Variants in GALNT17 observed in about 807,000 individuals in gnomAD.
GALNT17 encodes the protein polypeptide N-acetylgalactosaminyltransferase 17, also known as UDP-GalNAc:polypeptide N-acetylgalactosaminyltransferase-like 3.
Under a neutral mutation model 63.7 loss-of-function variants are expected in GALNT17, and 29 were observed. The observed-to-expected ratio is 0.46, with a 90% CI of 0.34 to 0.62. The LOEUF (loss-of-function observed/expected upper bound fraction) is 0.62, where lower values mean the gene tolerates loss of function less well. Ranked by LOEUF, GALNT17 falls within the 20% of genes least tolerant of loss-of-function variation. The probability of loss-of-function intolerance (pLI) is 0.01; values close to 1 mark genes in which losing one functional copy is unlikely to be tolerated. For synonymous variants in GALNT17, 305 were observed against 318.3 expected (o/e 0.96, Z 0.45); for missense variants, 603 against 799.6 (o/e 0.75, Z 2.97).
chr7:71,158,876 T>G (rs1788287190), intron 1 of GALNT17, among the ~76,000 whole-genome samples: 1 of 151,810 alleles, frequency 6.6e-6, no homozygotes, highest in African/African-American at 2.4e-5. Context: ...CGCCCGGCAA[T>G]TTTTGTATTT....
intron 5 of GALNT17, among the ~76,000 whole-genome samples, chr7:71,485,823 T>G (rs550412995): frequency 2.3e-4 from 35 of 152,318 alleles, no homozygotes; most frequent in Non-Finnish European, 4.4e-4. Context: ...AAAGGCTGGA[T>G]GAATATTTTC....
chr7:71,312,847 A>C (rs1791434237), intron 1 of GALNT17, among the ~76,000 whole-genome samples: 1 of 152,192 alleles, frequency 6.6e-6, no homozygotes, highest in Non-Finnish European at 1.5e-5. Context: ...TGCTATTAAG[A>C]AGACTCAGGG....
rs760731448 is a variant in GALNT17 at position 71,132,637 on chromosome 7, C to G, written c.-166C>G. ...CCGTTCTCCCCACCACCAATCCGAC[C>G]TCCCAGCCGTCTCCGCCGCCCGAGC... On this transcript the variant is annotated 5_prime_UTR_variant, in exon 1 of 11. Transcript: ENST00000333538. 2 of 600,120 alleles carry G rather than the reference C, an allele frequency of 3.3e-6. No homozygotes were observed. The highest frequency in any genetic ancestry group is 5.8e-6 in the Non-Finnish European group (2 of 347,652). The allele number at this position is 600,120 out of a possible 1,614,324, so 37.2% of individuals were successfully genotyped here. A position where few individuals can be genotyped will look rare whatever the true frequency, so the allele number is the denominator to read the frequency against.
intron 5 of GALNT17, among the ~76,000 whole-genome samples, chr7:71,537,148 C>T (rs532057982): frequency 4.6e-5 from 7 of 152,332 alleles, no homozygotes; most frequent in South Asian, 2.1e-4. Context: ...ATTGATCTCT[C>T]GGCTTCAGGA....
At position 71,335,509 on chromosome 7, in the gene GALNT17, G is replaced by A. The variant is rs200905240; in HGVS notation, c.239-41G>A. The A allele has an allele frequency of 2.7e-5, 41 of 1,502,956 alleles. No individual in the cohort carries two copies. The African/African-American group carries it at 4.8e-4, about 18-fold the overall frequency. The allele number at this position is 1,502,956 out of a possible 1,614,324, so 93.1% of individuals were successfully genotyped here. A position where few individuals can be genotyped will look rare whatever the true frequency, so the allele number is the denominator to read the frequency against. On this transcript the variant is annotated intron_variant, in intron 1 of 10. Transcript: ENST00000333538. The stretch of plus-strand genomic sequence containing the variant: ...GAGATTGAGTAATACATCCTGGTAT[G>A]GTGGTTTTCTAATAATTCTTTTTTC...
chr7:71,377,328 C>T (rs975352276), intron 2 of GALNT17, among the ~76,000 whole-genome samples: 5 of 35,288 alleles, frequency 1.4e-4, no homozygotes, highest in East Asian at 4.6e-4. Context: ...CCCAGGTAGC[C>T]GTGGAGCCAG....
In GALNT17 at chr7:71,251,166, C is replaced by A. The variant is rs572925740; in HGVS notation, c.239-84384C>A. Reference sequence around the variant, plus strand: ...ATATCTCCTAATGCTATCCCTCCCCCCTCCCCCTTTTGCTATTGGGTGGAG... The same window carrying A: ...ATATCTCCTAATGCTATCCCTCCCCACTCCCCCTTTTGCTATTGGGTGGAG... On this transcript the variant is annotated intron_variant, in intron 1 of 10. Transcript: ENST00000333538. 2.0e-4 allele frequency among the ~76,000 whole-genome samples: 30 copies of A among 150,100 alleles called. 1 individual carries two copies. The South Asian group carries it at 6.5e-3, about 33-fold the overall frequency.
chr7:71,294,178 C>A (rs576921132), intron 1 of GALNT17, among the ~76,000 whole-genome samples: 62 of 143,810 alleles, frequency 4.3e-4, no homozygotes, highest in African/African-American at 1.5e-3. Context: ...AAAAAAAATT[C>A]TTTGTCTTTG....
At chr7:71,310,048 T>C (rs969539301) in intron 1 of GALNT17, among the ~76,000 whole-genome samples, 1 of 152,220 alleles carries the variant, frequency 6.6e-6, no homozygotes, top group African/African-American at 2.4e-5. Flanking sequence ...AAGCTCTCTC[T>C]TTGCCTGCCG....
intron 5 of GALNT17, among the ~76,000 whole-genome samples, chr7:71,552,090 G>T (rs1283667854): frequency 2.0e-5 from 3 of 151,606 alleles, no homozygotes; most frequent in Non-Finnish European, 2.9e-5. Flanking sequence ...TGTCACCCAG[G>T]CTGGAGTACA....
intron 9 of GALNT17, among the ~76,000 whole-genome samples, chr7:71,694,751 G>T (rs916613680): frequency 6.6e-6 from 1 of 152,170 alleles, no homozygotes; most frequent in East Asian, 1.9e-4. Context: ...AAAGTAATTG[G>T]CCCAGGGCCA....
intron 5 of GALNT17, among the ~76,000 whole-genome samples, chr7:71,469,445 C>A (rs948400105): frequency 6.6e-6 from 1 of 152,160 alleles, no homozygotes; most frequent in South Asian, 2.1e-4. Context: ...ACCGGGCAAC[C>A]CCTGAACCAG....
At chr7:71,703,896 A>G (rs555644426) in intron 9 of GALNT17, among the ~76,000 whole-genome samples, 1 of 146,514 alleles carries the variant, frequency 6.8e-6, no homozygotes, top group Non-Finnish European at 1.5e-5. Flanking sequence ...CAAAATGGAA[A>G]GTAATATTCT....
At chr7:71,316,515 G>A (rs1791504505) in intron 1 of GALNT17, among the ~76,000 whole-genome samples, 1 of 152,176 alleles carries the variant, frequency 6.6e-6, no homozygotes, top group African/African-American at 2.4e-5. Flanking sequence ...TTATTGTGAG[G>A]TTTGCAGCAG....
At chr7:71,217,141 TTTTG>T (rs1424400482) in intron 1 of GALNT17, among the ~76,000 whole-genome samples, 2 of 125,766 alleles carry the variant, frequency 1.6e-5, no homozygotes, top group Non-Finnish European at 3.4e-5. Context: ...TTTTTTCGTG[TTTTG>T]TTTTTTTTTT....
At chr7:71,158,209 A>G (rs56952698) in intron 1 of GALNT17, among the ~76,000 whole-genome samples, 4,842 of 150,776 alleles carry the variant, frequency 0.032, 278 homozygotes, top group African/African-American at 0.099. Flanking sequence ...GGACCTCCAT[A>G]TGGTTCTCCA....
intron 2 of GALNT17, among the ~76,000 whole-genome samples, chr7:71,377,117 ATATAT>A (rs1792755776): frequency 2.5e-5 from 2 of 80,144 alleles, no homozygotes; most frequent in South Asian, 4.1e-4. Context: ...TAAAAAAAAT[ATATAT>A]ATATATATAT....
At chr7:71,375,329 G>A (rs969984290) in intron 2 of GALNT17, among the ~76,000 whole-genome samples, 2 of 152,218 alleles carry the variant, frequency 1.3e-5, no homozygotes, top group Admixed American at 6.5e-5. Context: ...TTTCTCTGCT[G>A]ACGTTGCAGG....
At chr7:71,186,338 G>A (rs938515936) in intron 1 of GALNT17, among the ~76,000 whole-genome samples, 2 of 152,174 alleles carry the variant, frequency 1.3e-5, no homozygotes, top group Admixed American at 1.3e-4. Flanking sequence ...GCCAGTTTAT[G>A]GGGGTTTGGA....
Sources: gnomAD v4.1 joint callset for allele counts (sites outside exome capture counted in the v4.1 genomes callset) on GRCh38, gnomAD v4.1.1 for gene constraint, MANE v1.5 for transcripts, NCBI Gene and HGNC (gene_info 2026-07-23, HGNC 2026-07-21) for gene names.